The following COL4A5 variants were observed in gnomAD, a reference collection of about 807,000 sequenced individuals.
The protein encoded by COL4A5 is collagen type IV alpha 5 chain.
In COL4A5, 26 loss-of-function variants were observed where a neutral mutation model predicts 130.2. The ratio of observed to expected loss-of-function variants is 0.20; its 90% CI spans 0.15 to 0.28. The LOEUF is 0.28. COL4A5 is among the 10% of genes least tolerant of loss of function. COL4A5 has a pLI of 1.00. For synonymous variants in COL4A5, 496 were observed against 439.6 expected, an observed-to-expected ratio of 1.13 and a Z score of -1.60; for missense variants, 1,131 against 1,344.3, an observed-to-expected ratio of 0.84 and a Z score of 2.48.
chrX:108,459,629 C>T (rs2064623157), intron 1 of COL4A5, among the ~76,000 whole-genome samples: 1 of 112,258 alleles, frequency 8.9e-6, no homozygotes, highest in African/African-American at 3.2e-5. Flanking sequence ...ATCTCTCTGC[C>T]TGCATATTTA....
At position 108,615,122 on chromosome X, in the gene COL4A5, A is replaced by G. The variant is rs143647223; in HGVS notation, c.2509+98A>G. Reference sequence around the variant, plus strand: ...ACCTACAAAACAGTCTTCCAGAAGCAGACTTAAAAGGCAATCTATCTATGT... The same window carrying G: ...ACCTACAAAACAGTCTTCCAGAAGCGGACTTAAAAGGCAATCTATCTATGT... On this transcript the variant is annotated intron_variant, in intron 30 of 52. Transcript: ENST00000328300. 962 of 604,827 alleles carry G rather than the reference A, an allele frequency of 1.6e-3. 5 individuals carry two copies. The African/African-American group carries it at 0.019, about 12-fold the overall frequency. 49.8% of individuals were successfully genotyped at this position (604,827 alleles called of 1,213,427 possible).
In COL4A5 at chrX:108,697,494, G is replaced by A. The variant is rs2068754602; in HGVS notation, c.*1116G>A. On this transcript the variant is annotated 3_prime_UTR_variant, in exon 53 of 53. Coordinates refer to ENST00000328300, the MANE Select transcript of COL4A5 (RefSeq NM_033380.3). ...CCTAGCTATCATCTCCTGACTTAATGTTTTTTAAACCCACCAATATAAATT... is the reference window on the plus strand; with the variant it reads ...CCTAGCTATCATCTCCTGACTTAATATTTTTTAAACCCACCAATATAAATT... The A allele has an allele frequency of 9.0e-6, 1 of 110,856 alleles. No homozygotes were observed. The highest frequency in any genetic ancestry group is 9.7e-5 in the Admixed American group (1 of 10,291). 9.1% of individuals were successfully genotyped at this position (110,856 alleles called of 1,213,427 possible).
rs184009669 is a variant in COL4A5 at position 108,507,177 on chromosome X, C to A, written c.82-32569C>A. ...CCAAAAATTTGAGGAGGAGGGACTCCTTCCCAACTCATTCTATGAGGCCAG... is the reference window on the plus strand; with the variant it reads ...CCAAAAATTTGAGGAGGAGGGACTCATTCCCAACTCATTCTATGAGGCCAG... On this transcript the variant is annotated intron_variant, in intron 1 of 52. Transcript: ENST00000328300. Among the ~76,000 whole-genome samples, 107 of 104,871 alleles carry A rather than the reference C, an allele frequency of 1.0e-3. 1 individual carries two copies. The highest frequency in any genetic ancestry group is 3.7e-3 in the African/African-American group (104 of 28,484). 91.1% of individuals were successfully genotyped at this position (104,871 alleles called of 115,157 possible).
rs756167652 is a variant in COL4A5 at position 108,653,385 on chromosome X, A to G, written c.3247-1946A>G. 4.6e-5 allele frequency among the ~76,000 whole-genome samples: 5 copies of G among 109,123 alleles called. No homozygotes were observed. The East Asian group carries it at 1.4e-3, about 32-fold the overall frequency. The allele number at this position is 109,123 out of a possible 115,157, so 94.8% of individuals were successfully genotyped here. On this transcript the variant is annotated intron_variant, in intron 36 of 52. Coordinates refer to ENST00000328300, the MANE Select transcript of COL4A5 (RefSeq NM_033380.3). Reference sequence around the variant, plus strand: ...ATATACTGTGTGGTTTTTTTTTTCCATCTGGTAACAGAGACAGCTACTAAG... The same window carrying G: ...ATATACTGTGTGGTTTTTTTTTTCCGTCTGGTAACAGAGACAGCTACTAAG...
At chrX:108,677,709 T>A in intron 44 of COL4A5, 76 bp downstream of exon 44, 2 of 1,101,893 alleles carry the variant, frequency 1.8e-6, no homozygotes, top group East Asian at 6.2e-5. Flanking sequence ...CTAAGCTGCA[T>A]CATTTTAATT....
At chrX:108,687,882 A>T (rs1213460608) in intron 49 of COL4A5, among the ~76,000 whole-genome samples, 188 bp downstream of exon 49, 1 of 112,100 alleles carries the variant, frequency 8.9e-6, no homozygotes, top group Non-Finnish European at 1.9e-5. Context: ...TTAACCTTAA[A>T]CTAAAAGCAT....
At chrX:108,626,022 A>G (rs1012397715) in intron 35 of COL4A5, among the ~76,000 whole-genome samples, 188 bp from the exon 36 acceptor site, 55 of 111,870 alleles carry the variant, frequency 4.9e-4, no homozygotes, top group African/African-American at 1.4e-3. Context: ...TTCTCCAGCT[A>G]TACCCCCTTT....
chrX:108,663,489 A>G (rs2068006251), intron 37 of COL4A5, among the ~76,000 whole-genome samples: 1 of 111,696 alleles, frequency 9.0e-6, no homozygotes, highest in African/African-American at 3.3e-5. Flanking sequence ...AGAAAACCAA[A>G]CACTGCATGT....
rs1286929695 is a variant in COL4A5, at chrX:108,620,369, A to G, written c.2620A>G (p.Ile874Val). ...SPGIPGAPGP[I>V]GPPGSPGLPG... ...AGGGATCCCCGGAGCACCTGGTCCT[A>G]TAGGACCTCCAGGATCACCAGGGCT... is the stretch of plus-strand genomic sequence containing the variant. Residue 874 changes from isoleucine (I) to valine (V), a missense_variant, in exon 31 of 53, where the codon ATA (isoleucine) becomes GTA (valine). Transcript: ENST00000328300. The G allele has an allele frequency of 8.3e-7, 1 of 1,209,691 alleles. No homozygotes were observed. Among genetic ancestry groups the G allele is most frequent in the Admixed American group, 2.2e-5 (1 of 45,992 alleles).
intron 1 of COL4A5, among the ~76,000 whole-genome samples, chrX:108,516,302 T>C (rs1328492635): frequency 8.9e-6 from 1 of 112,213 alleles, no homozygotes; most frequent in East Asian, 2.8e-4. Context: ...GACTGCTTCA[T>C]AGGAGACATT....
rs192973835 is a variant in COL4A5 at position 108,439,971 on chromosome X, T to C, written c.-155T>C. The C allele has an allele frequency of 5.3e-3, 2,413 of 454,708 alleles. 7 individuals carry two copies. Among genetic ancestry groups the C allele is most frequent in the Non-Finnish European group, 7.6e-3 (1,983 of 261,918 alleles). The allele number at this position is 454,708 out of a possible 1,213,427, so 37.5% of individuals were successfully genotyped here. ...CTTCTTCTTCTTCTTTTTTTTTTCT[T>C]CCACTCTTAAAAAGCTTCTTTCTCT... On this transcript the variant is annotated 5_prime_UTR_variant, in exon 1 of 53. Transcript: ENST00000328300.
chrX:108,526,667 CTTTCTCTTTCTTTCTTTCTTTCTT>C (rs2065325984), intron 1 of COL4A5, among the ~76,000 whole-genome samples: 2 of 45,354 alleles, frequency 4.4e-5, no homozygotes, highest in East Asian at 1.6e-3. Context: ...TTTCTTCTTT[CTTTCTCTTTCTTTCTTTCTTTCTT>C]TCTTTCTTTC....
chrX:108,628,894 T>A (rs767735226), intron 36 of COL4A5, among the ~76,000 whole-genome samples: 27 of 112,138 alleles, frequency 2.4e-4, no homozygotes, highest in Non-Finnish European at 4.5e-4. Context: ...AAGGAGCTTA[T>A]ATTTAGTCAA....
chrX:108,467,856 G>C (rs889305234), intron 1 of COL4A5, among the ~76,000 whole-genome samples: 7 of 111,445 alleles, frequency 6.3e-5, no homozygotes, highest in Non-Finnish European at 1.9e-5. Context: ...TTGTACCCTA[G>C]AACTTTGCTG....
intron 4 of COL4A5, among the ~76,000 whole-genome samples, chrX:108,567,230 T>C (rs1376125032): frequency 8.9e-6 from 1 of 112,439 alleles, no homozygotes; most frequent in Admixed American, 9.4e-5. Context: ...ATACCATGTT[T>C]GATGAAAGGC....
intron 1 of COL4A5, among the ~76,000 whole-genome samples, chrX:108,479,171 T>A (rs758157815): frequency 2.5e-4 from 28 of 112,410 alleles, no homozygotes; most frequent in Admixed American, 9.3e-4. Flanking sequence ...TCTGTTGAGG[T>A]CACCTGTTGG....
intron 36 of COL4A5, among the ~76,000 whole-genome samples, chrX:108,646,584 A>G (rs2067594971): frequency 9.0e-6 from 1 of 111,340 alleles, no homozygotes; most frequent in Non-Finnish European, 1.9e-5. Context: ...CTGTAGTTTA[A>G]TTAGATCCCA....
At chrX:108,545,110 C>T (rs1377782482) in intron 2 of COL4A5, among the ~76,000 whole-genome samples, 2 of 111,783 alleles carry the variant, frequency 1.8e-5, no homozygotes, top group Admixed American at 9.5e-5. Flanking sequence ...CTATCTCTTT[C>T]AGTTCTGCCC....
In COL4A5 at chrX:108,662,566, A is replaced by G. The variant is rs374077984; in HGVS notation, c.3374-2941A>G. On this transcript the variant is annotated intron_variant, in intron 37 of 52. Coordinates refer to ENST00000328300, the MANE Select transcript of COL4A5 (RefSeq NM_033380.3). ...AAATCACAAGCATTCCTATACACCA[A>G]TAATAGACAAACAGAGAGCCAAATT... 7.2e-5 allele frequency among the ~76,000 whole-genome samples: 8 copies of G among 111,612 alleles called. No individual in the cohort carries two copies. In the South Asian group the frequency reaches 2.3e-3, roughly 32 times the overall value.
Sources: gnomAD v4.1 joint callset for allele counts (sites outside exome capture counted in the v4.1 genomes callset) on GRCh38, gnomAD v4.1.1 for gene constraint, MANE v1.5 for transcripts, NCBI Gene and HGNC (gene_info 2026-07-23, HGNC 2026-07-21) for gene names.